ITGB1: variants seen among roughly 807,000 people sequenced by gnomAD.
The protein encoded by ITGB1 is integrin beta-1.
ITGB1 carries 24 observed loss-of-function variants against 86.5 expected under a neutral mutation model. The observed-to-expected ratio is 0.28, with a 90% CI of 0.20 to 0.39. The LOEUF (loss-of-function observed/expected upper bound fraction) is 0.39. Ranked by LOEUF, ITGB1 falls within the 10% of genes least tolerant of loss-of-function variation. ITGB1 has a pLI of 1.00. For missense variants in ITGB1, 556 were observed against 946.9 expected, an observed-to-expected ratio of 0.59 and a Z score of 5.42; for synonymous variants, 323 against 316.8, an observed-to-expected ratio of 1.02 and a Z score of -0.21.
At chr10:32,935,848 CA>C (rs1012941408) in intron 1 of ITGB1, 485 of 216,498 alleles carry the variant, frequency 2.2e-3, no homozygotes, top group East Asian at 7.4e-3. Flanking sequence ...TAACAGCGCT[CA>C]AAAAAAAAAT....
chr10:32,932,785 G>A (rs1258952542), intron 2 of ITGB1, 185 bp from the exon 3 acceptor site: 3 of 492,002 alleles, frequency 6.1e-6, no homozygotes, highest in Admixed American at 6.6e-5. Flanking sequence ...AATTTTTGTG[G>A]GTAAATAGGT....
chr10:32,932,075 C>T (rs2094985154), intron 3 of ITGB1, among the ~76,000 whole-genome samples: 1 of 151,970 alleles, frequency 6.6e-6, no homozygotes, highest in African/African-American at 2.4e-5. Context: ...AAATCTGAAA[C>T]AGTCAAACTA....
At chr10:32,910,072 T>G (rs1010211694) in intron 14 of ITGB1, 151 bp downstream of exon 14, 6 of 621,970 alleles carry the variant, frequency 9.6e-6, no homozygotes, top group Middle Eastern at 2.6e-4. Context: ...TACAGTTAAT[T>G]AGATAATATT....
intron 9 of ITGB1, 31 bp from the exon 10 acceptor site, chr10:32,920,416 A>C (rs1244428280): frequency 1.2e-6 from 2 of 1,604,142 alleles, no homozygotes; most frequent in Non-Finnish European, 1.7e-6. Context: ...ACACAGGAAA[A>C]GTCAAACAAA....
intron 11 of ITGB1, among the ~76,000 whole-genome samples, chr10:32,919,350 G>C (rs1181346059): frequency 6.6e-6 from 1 of 152,082 alleles, no homozygotes; most frequent in African/African-American, 2.4e-5. Context: ...AATTTTGTTA[G>C]TTTTCTTAGT....
chr10:32,934,352 C>T (rs754229030), intron 2 of ITGB1, among the ~76,000 whole-genome samples: 1 of 152,138 alleles, frequency 6.6e-6, no homozygotes, highest in Non-Finnish European at 1.5e-5. Context: ...TTAAGTATTA[C>T]AGGTAATCTA....
chr10:32,913,457 C>T (rs1009602760), intron 11 of ITGB1, among the ~76,000 whole-genome samples: 5 of 152,138 alleles, frequency 3.3e-5, no homozygotes, highest in East Asian at 1.9e-4. Flanking sequence ...GAATAAAGAG[C>T]GTAGAGAAGA....
At chr10:32,908,662 G>A (rs1286253570) in intron 14 of ITGB1, 128 bp from the exon 15 acceptor site, 2 of 673,038 alleles carry the variant, frequency 3.0e-6, no homozygotes, top group African/African-American at 3.6e-5. Flanking sequence ...ATAGCTCTTA[G>A]AACTAACAAG....
intron 1 of ITGB1, among the ~76,000 whole-genome samples, chr10:32,950,524 A>G (rs1449459432): frequency 6.6e-6 from 1 of 152,190 alleles, no homozygotes; most frequent in African/African-American, 2.4e-5. Context: ...ATAAGCTAGC[A>G]TTAATGATTA....
At chr10:32,924,864 T>C (rs963952740) in intron 6 of ITGB1, among the ~76,000 whole-genome samples, 2 of 152,312 alleles carry the variant, frequency 1.3e-5, no homozygotes, top group East Asian at 1.9e-4. Flanking sequence ...TTTATAGAGA[T>C]TGATGCATTT....
At chr10:32,944,927 C>T in intron 1 of ITGB1, 2 of 1,321,994 alleles carry the variant, frequency 1.5e-6, no homozygotes, top group Non-Finnish European at 2.2e-6. Context: ...CCAAACAAAG[C>T]CAGTCCTGGA....
intron 3 of ITGB1, among the ~76,000 whole-genome samples, chr10:32,931,100 A>G (rs987906920): frequency 6.6e-6 from 1 of 152,170 alleles, no homozygotes; most frequent in African/African-American, 2.4e-5. Flanking sequence ...CATACTAATG[A>G]GAGTATTTAT....
At chr10:32,954,879 G>C (rs1187072) in intron 1 of ITGB1, among the ~76,000 whole-genome samples, 50,625 of 152,030 alleles carry the variant, frequency 0.33, 10,710 homozygotes, top group Non-Finnish European at 0.48. Context: ...CAAACCAAAC[G>C]GCAAGTTTAA....
intron 1 of ITGB1, among the ~76,000 whole-genome samples, chr10:32,940,038 G>A (rs1319365406): frequency 6.6e-6 from 1 of 152,104 alleles, no homozygotes; most frequent in African/African-American, 2.4e-5. Flanking sequence ...TTTCTGTAAG[G>A]AGAGATACTC....
At position 32,932,593 on chromosome 10, in the gene ITGB1, A is replaced by G. The variant is rs2137232546; in HGVS notation, c.75T>C (p.Asn25=). The G allele has an allele frequency of 6.3e-7, 1 of 1,577,966 alleles. No individual in the cohort carries two copies. The highest frequency in any genetic ancestry group is 2.2e-5 in the East Asian group (1 of 44,612). ...VCCVFAQTDE[N]RCLKANAKSC... ...ATTTGGCATTTGCTTTTAAACATCTATTTTCATCTGTCAGAAAGAAGAAAG... is the reference window on the plus strand; with the variant it reads ...ATTTGGCATTTGCTTTTAAACATCTGTTTTCATCTGTCAGAAAGAAGAAAG... The change falls in exon 3 of 16, where the codon AAT becomes AAC. Residue 25 remains asparagine (N), a synonymous_variant. Coordinates refer to ENST00000302278, the MANE Select transcript of ITGB1 (RefSeq NM_002211.4).
At chr10:32,952,227 A>G (rs1186433665) in intron 1 of ITGB1, among the ~76,000 whole-genome samples, 2 of 152,184 alleles carry the variant, frequency 1.3e-5, no homozygotes, top group Non-Finnish European at 2.9e-5. Flanking sequence ...GGTGGTCAGC[A>G]GCTCATAATT....
At chr10:32,951,808 T>C (rs1323093826) in intron 1 of ITGB1, 1 of 152,196 alleles carries the variant, frequency 6.6e-6, no homozygotes, top group African/African-American at 2.4e-5. Flanking sequence ...AAAGTTTACT[T>C]TGGGGCAAGT....
At chr10:32,914,271 A>G (rs979557468) in intron 11 of ITGB1, among the ~76,000 whole-genome samples, 1 of 152,210 alleles carries the variant, frequency 6.6e-6, no homozygotes, top group Non-Finnish European at 1.5e-5. Context: ...GAGCAAAATA[A>G]CCAGCTAACA....
chr10:32,907,093 G>T, intron 15 of ITGB1: 1 of 1,359,960 alleles, frequency 7.4e-7, no homozygotes, highest in Non-Finnish European at 9.8e-7. Context: ...TACGTCCGTA[G>T]TTTGGATTCT....
Sources: gnomAD v4.1 joint callset for allele counts (sites outside exome capture counted in the v4.1 genomes callset) on GRCh38, gnomAD v4.1.1 for gene constraint, MANE v1.5 for transcripts, NCBI Gene and HGNC (gene_info 2026-07-23, HGNC 2026-07-21) for gene names.